The following SNX29 variants were observed in gnomAD, a reference collection of about 807,000 sequenced individuals.
SNX29 encodes sorting nexin-29.
In SNX29, 78 loss-of-function variants were observed where a neutral mutation model predicts 102.1. The observed-to-expected ratio is 0.76, with a 90% CI of 0.64 to 0.92. The LOEUF (loss-of-function observed/expected upper bound fraction) is 0.92, where lower values mean the gene tolerates loss of function less well. Among genes scored for constraint, SNX29 ranks in the 40% least tolerant of loss-of-function variants. SNX29 has a pLI of 0.00. For missense variants in SNX29, 1,280 were observed against 1,061.7 expected, an observed-to-expected ratio of 1.21 and a Z score of -2.86; for synonymous variants, 580 against 414.5, an observed-to-expected ratio of 1.40 and a Z score of -4.85.
intron 16 of SNX29, chr16:12,367,290 A>C (rs1178204121): frequency 6.6e-6 from 1 of 152,200 alleles, no homozygotes; most frequent in Admixed American, 6.5e-5. Context: ...TCACTCAGGG[A>C]GCATATGACG....
intron 14 of SNX29, 56 bp downstream of exon 14, chr16:12,199,739 G>C: frequency 3.5e-6 from 5 of 1,437,258 alleles, no homozygotes; most frequent in Non-Finnish European, 4.8e-6. Context: ...ATTAACACCT[G>C]TACGTGGCAC....
intron 11 of SNX29, among the ~76,000 whole-genome samples, chr16:12,111,716 T>G (rs980270283): frequency 2.6e-5 from 4 of 152,128 alleles, no homozygotes; most frequent in Admixed American, 2.6e-4. Flanking sequence ...GGGTAGCAGG[T>G]GGCAGGAGGC....
intron 19 of SNX29, among the ~76,000 whole-genome samples, chr16:12,495,595 A>G (rs2088781906): frequency 6.6e-6 from 1 of 152,244 alleles, no homozygotes; most frequent in African/African-American, 2.4e-5. Context: ...TTGCTTAAAC[A>G]TGGTAAGTGT....
chr16:12,092,757 G>A (rs1713851918), intron 11 of SNX29, among the ~76,000 whole-genome samples: 1 of 152,228 alleles, frequency 6.6e-6, no homozygotes. Context: ...GAACCACTCT[G>A]CTGAAGTTTC....
chr16:12,008,236 G>T (rs951365314), intron 3 of SNX29, among the ~76,000 whole-genome samples: 2 of 143,948 alleles, frequency 1.4e-5, no homozygotes, highest in Admixed American at 1.4e-4. Flanking sequence ...GAGCCACTGC[G>T]CCTGGCCTGC....
chr16:12,314,106 C>T (rs1442402667), intron 15 of SNX29, among the ~76,000 whole-genome samples: 1 of 152,256 alleles, frequency 6.6e-6, no homozygotes, highest in Admixed American at 6.5e-5. Flanking sequence ...CCACCTCAGC[C>T]TCCTGAGTAG....
chr16:12,510,622 G>A (rs571176053), intron 19 of SNX29, among the ~76,000 whole-genome samples: 5 of 151,960 alleles, frequency 3.3e-5, no homozygotes, highest in Non-Finnish European at 5.9e-5. Context: ...GCAGTGAGCC[G>A]AGATGGCCCC....
chr16:12,234,846 G>A (rs773204306), intron 14 of SNX29, among the ~76,000 whole-genome samples: 1 of 152,132 alleles, frequency 6.6e-6, no homozygotes, highest in Admixed American at 6.5e-5. Context: ...GAAGATACCC[G>A]CTGAATGGAT....
At chr16:12,077,196 T>G (rs2051617327) in intron 10 of SNX29, among the ~76,000 whole-genome samples, 1 of 152,070 alleles carries the variant, frequency 6.6e-6, no homozygotes, top group Admixed American at 6.6e-5. Flanking sequence ...GGAAGATCAC[T>G]TGAACCCAGG....
chr16:12,382,678 G>T (rs1403236320), intron 16 of SNX29, among the ~76,000 whole-genome samples: 3 of 152,206 alleles, frequency 2.0e-5, no homozygotes, highest in Non-Finnish European at 4.4e-5. Flanking sequence ...CTGGAGGCCA[G>T]AGTCGGCAAT....
chr16:12,516,528 A>C (rs2089874518), intron 19 of SNX29, among the ~76,000 whole-genome samples: 2 of 149,126 alleles, frequency 1.3e-5, no homozygotes, highest in South Asian at 4.3e-4. Context: ...CATAGCCAGG[A>C]GGCCTTGTTG....
At chr16:12,208,667 G>A (rs532068773) in intron 14 of SNX29, among the ~76,000 whole-genome samples, 68 of 151,982 alleles carry the variant, frequency 4.5e-4, no homozygotes, top group African/African-American at 1.5e-3. Flanking sequence ...GCAAGAGGTC[G>A]TCTCTGCAAA....
chr16:12,533,626 C>A (rs541409171), intron 20 of SNX29, among the ~76,000 whole-genome samples: 2 of 152,112 alleles, frequency 1.3e-5, no homozygotes, highest in Non-Finnish European at 2.9e-5. Context: ...GGACTGACAC[C>A]CCAAATTGGG....
intron 11 of SNX29, among the ~76,000 whole-genome samples, chr16:12,097,103 G>A (rs550825573): frequency 6.6e-6 from 1 of 152,308 alleles, no homozygotes; most frequent in South Asian, 2.1e-4. Flanking sequence ...ATGGGCTTGA[G>A]GAGCTGTTGT....
At chr16:12,101,351 T>C (rs1450120728) in intron 11 of SNX29, among the ~76,000 whole-genome samples, 3 of 142,540 alleles carry the variant, frequency 2.1e-5, no homozygotes, top group African/African-American at 8.0e-5. Context: ...TCTCATTCTG[T>C]TCTTCCTCCT....
chr16:12,475,221 A>T (rs1382085437), intron 18 of SNX29, among the ~76,000 whole-genome samples: 1 of 152,228 alleles, frequency 6.6e-6, no homozygotes, highest in African/African-American at 2.4e-5. Flanking sequence ...CCCACTCGTC[A>T]GAATCACTGG....
chr16:12,518,472 C>G (rs1032280145), intron 19 of SNX29, among the ~76,000 whole-genome samples: 1 of 152,212 alleles, frequency 6.6e-6, no homozygotes, highest in Non-Finnish European at 1.5e-5. Context: ...ACCACCTTGA[C>G]CACCTGATGG....
intron 19 of SNX29, among the ~76,000 whole-genome samples, chr16:12,497,972 G>C (rs1377262999): frequency 6.6e-6 from 1 of 152,198 alleles, no homozygotes; most frequent in African/African-American, 2.4e-5. Flanking sequence ...CCCAAGGAAA[G>C]GCTGTAGCAC....
At chr16:12,266,027 A>G (rs2078917562) in intron 14 of SNX29, among the ~76,000 whole-genome samples, 1 of 152,218 alleles carries the variant, frequency 6.6e-6, no homozygotes, top group Non-Finnish European at 1.5e-5. Context: ...AGAGAAAGGA[A>G]GTAATGAGTC....
Sources: gnomAD v4.1 joint callset for allele counts (sites outside exome capture counted in the v4.1 genomes callset) on GRCh38, gnomAD v4.1.1 for gene constraint, MANE v1.5 for transcripts, NCBI Gene and HGNC (gene_info 2026-07-23, HGNC 2026-07-21) for gene names.